The following PLEKHA4 variants were observed in gnomAD, a reference collection of about 807,000 sequenced individuals.
The protein encoded by PLEKHA4 is pleckstrin homology domain containing A4.
In PLEKHA4, 73 loss-of-function variants were observed where a neutral mutation model predicts 94.7. The observed-to-expected ratio is 0.77, with a 90% CI of 0.64 to 0.94. The LOEUF (loss-of-function observed/expected upper bound fraction) is 0.94. Ranked by LOEUF, PLEKHA4 falls within the 40% of genes least tolerant of loss-of-function variation. The probability of loss-of-function intolerance (pLI) is 0.00; values close to 1 mark genes in which losing one functional copy is unlikely to be tolerated. For missense variants in PLEKHA4, 1,049 were observed against 1,054.1 expected (o/e 1.00, Z 0.07); for synonymous variants, 449 against 437.1 (o/e 1.03, Z -0.34).
At position 48,853,797 on chromosome 19, in the gene PLEKHA4, T is replaced by C; in HGVS notation, c.1211A>G (p.Gln404Arg). The change falls in exon 12 of 20, where the codon CAA becomes CGA. Residue 404 changes from glutamine to arginine, a missense_variant. By Grantham distance (43) the Gln-to-Arg change is conservative. Coordinates refer to ENST00000263265, the MANE Select transcript of PLEKHA4 (RefSeq NM_020904.3). ...CTCCCTGGTGGCTTGGCCCAGCTGT[T>C]GCCGGGTCAACTCCAGAGCTGCTTC... ...QLEAALELTR[Q>R]QLGQATREAG... The C allele has an allele frequency of 6.2e-7, 1 of 1,612,934 alleles. No homozygotes were observed. The highest frequency in any genetic ancestry group is 8.5e-7 in the Non-Finnish European group (1 of 1,179,502).
chr19:48,860,369 G>A lies in PLEKHA4; in HGVS notation c.457C>T (p.Arg153Cys), dbSNP rs373708213. The change falls in exon 6 of 20, where the codon CGT becomes TGT. Residue 153 changes from arginine to cysteine, a missense_variant. Coordinates refer to ENST00000263265, the MANE Select transcript of PLEKHA4 (RefSeq NM_020904.3). ...GWLRALGRASRAEGDDYGQPR... is the reference protein window; with the variant it reads ...GWLRALGRASCAEGDDYGQPR... ...ACTCACTAGTCGTCCCCCTCCGCAC[G>A]GGAGGCCCGGCCCAGCGCCCGTAGC... 6.2e-7 allele frequency: 1 copy of A among 1,613,896 alleles called. No individual in the cohort carries two copies. Among genetic ancestry groups the A allele is most frequent in the South Asian group, 1.1e-5 (1 of 91,080 alleles).
rs561683787 is a variant in PLEKHA4, at chr19:48,857,231, G to A, written c.1047+191C>T. On this transcript the variant is annotated intron_variant, in intron 9 of 19. Coordinates refer to ENST00000263265, the MANE Select transcript of PLEKHA4 (RefSeq NM_020904.3). ...CTCCAGGCCTCTGGCCTCCAGAACC[G>A]CAAGATAATCCATTTCTGTTGTTTT... Among the ~76,000 whole-genome samples the A allele has an allele frequency of 5.9e-5, 9 of 152,228 alleles. No homozygotes were observed. The East Asian group carries it at 7.7e-4, about 13-fold the overall frequency.
chr19:48,864,817 C>T (rs1185299984), intron 3 of PLEKHA4, among the ~76,000 whole-genome samples: 1 of 152,120 alleles, frequency 6.6e-6, no homozygotes, highest in Non-Finnish European at 1.5e-5. Context: ...GCGATCTTCC[C>T]GTCTTGGCCT....
chr19:48,865,466 G>T, intron 3 of PLEKHA4, 37 bp downstream of exon 3: 1 of 1,525,184 alleles, frequency 6.6e-7, no homozygotes, highest in Non-Finnish European at 9.1e-7. Context: ...CCGGGGCACA[G>T]ACTTCAGTGT....
chr19:48,845,573 T>G lies in PLEKHA4; in HGVS notation c.1610A>C (p.Glu537Ala), dbSNP rs762138777. Residue 537 changes from glutamate (E) to alanine (A), a missense_variant, in exon 15 of 20, where the codon GAG becomes GCG. Physicochemically the swap from Glu to Ala is moderately radical, Grantham distance 107. Coordinates refer to ENST00000263265, the MANE Select transcript of PLEKHA4 (RefSeq NM_020904.3). The stretch of plus-strand genomic sequence containing the variant: ...TCCAGGAGGCCGCCCCCAGTCAGTC[T>G]CGGGGGACCTAGGGGAGCTCAGTTC... ...SLELSSPRSP[E>A]TDWGRPPGGD... 112 of 1,610,232 alleles carry G rather than the reference T, an allele frequency of 7.0e-5. 2 individuals are homozygous for G. The South Asian group carries it at 1.2e-3, about 17-fold the overall frequency.
chr19:48,840,098 ACT>A (rs1417045647), intron 17 of PLEKHA4, among the ~76,000 whole-genome samples: 1 of 151,100 alleles, frequency 6.6e-6, no homozygotes. Context: ...ACAAAGGGAG[ACT>A]CTGTCTCAAA....
chr19:48,853,168 T>C (rs943604970), intron 12 of PLEKHA4, among the ~76,000 whole-genome samples: 1 of 145,782 alleles, frequency 6.9e-6, no homozygotes, highest in African/African-American at 2.8e-5. Context: ...GTACCTTAAG[T>C]GTTAAATATT....
intron 9 of PLEKHA4, among the ~76,000 whole-genome samples, chr19:48,857,121 T>C (rs1049575250): frequency 1.3e-5 from 2 of 151,978 alleles, no homozygotes; most frequent in African/African-American, 4.8e-5. Flanking sequence ...CAGGAATTGC[T>C]GGCAACCACC....
At position 48,853,759 on chromosome 19, in the gene PLEKHA4, C is replaced by CGGG. The variant is rs766772259; in HGVS notation, c.1246_1248dup (p.Pro416dup). On this transcript the variant is annotated inframe_insertion, in exon 12 of 20. Coordinates refer to ENST00000263265, the MANE Select transcript of PLEKHA4 (RefSeq NM_020904.3). The stretch of plus-strand genomic sequence containing the variant: ...AGGCGCTGGCGACCCCAGGCCCTCC[C>CGGG]GGGAGCCCCAGCCTCCCTGGTGGCT... 16 of 1,612,948 alleles carry CGGG rather than the reference C, an allele frequency of 9.9e-6. No homozygotes were observed. In the East Asian group the frequency reaches 3.6e-4, roughly 36 times the overall value.
intron 13 of PLEKHA4, among the ~76,000 whole-genome samples, chr19:48,851,038 G>A (rs1470092859): frequency 6.6e-6 from 1 of 152,016 alleles, no homozygotes; most frequent in Non-Finnish European, 1.5e-5. Context: ...GTACTTGGGA[G>A]GCTGAGGGAG....
chr19:48,837,151 G>C lies in PLEKHA4; in HGVS notation c.*138C>G, dbSNP rs1399940245. On this transcript the variant is annotated 3_prime_UTR_variant, in exon 20 of 20. Coordinates refer to ENST00000263265, the MANE Select transcript of PLEKHA4 (RefSeq NM_020904.3). The surrounding 1 kb of genome is among the most constrained non-coding windows in gnomAD (Gnocchi z 4.3). Reference sequence around the variant, plus strand: ...GACAGTGTTGAGAAAACCAAACTTTGGCCATAGAAACCATTCCCCTCCCGG... The same window carrying C: ...GACAGTGTTGAGAAAACCAAACTTTCGCCATAGAAACCATTCCCCTCCCGG... 2 of 1,204,104 alleles carry C rather than the reference G, an allele frequency of 1.7e-6. No homozygotes were observed. Among genetic ancestry groups the C allele is most frequent in the African/African-American group, 3.1e-5 (2 of 64,586 alleles). The allele number at this position is 1,204,104 out of a possible 1,614,324, so 74.6% of individuals were successfully genotyped here. A position where few individuals can be genotyped will look rare whatever the true frequency, so the allele number is the denominator to read the frequency against.
At chr19:48,841,018 T>A in intron 17 of PLEKHA4, 131 bp downstream of exon 17, 1 of 850,568 alleles carries the variant, frequency 1.2e-6, no homozygotes, top group Non-Finnish European at 1.7e-6. Context: ...AAGTACAAAC[T>A]GGGGTAAATT....
intron 16 of PLEKHA4, among the ~76,000 whole-genome samples, chr19:48,844,853 C>T (rs927255129): frequency 8.6e-6 from 1 of 116,250 alleles, no homozygotes. Flanking sequence ...TTGCTCTTGT[C>T]GCACAAGCTG....
chr19:48,861,777 A>G (rs908244402), intron 3 of PLEKHA4, 85 bp from the exon 4 acceptor site: 42 of 1,205,804 alleles, frequency 3.5e-5, no homozygotes, highest in Non-Finnish European at 4.8e-5. Flanking sequence ...ACAGAGAGCC[A>G]GAGAGAGAAA....
At chr19:48,861,090 C>T (rs1442788675) in intron 5 of PLEKHA4, among the ~76,000 whole-genome samples, 2 of 152,030 alleles carry the variant, frequency 1.3e-5, no homozygotes, top group Non-Finnish European at 2.9e-5. Context: ...CGCCTGTAAT[C>T]CCAGCTACTC....
At position 48,863,886 on chromosome 19, in the gene PLEKHA4, CAG is replaced by C. The variant is rs930697667; in HGVS notation, c.192+1615_192+1616del. On this transcript the variant is annotated intron_variant, in intron 3 of 19. Coordinates refer to ENST00000263265, the MANE Select transcript of PLEKHA4 (RefSeq NM_020904.3). Reference sequence around the variant, plus strand: ...CGTGCCCAGCCCATGTACTGCTTTGCAGAGAGTTTTGAGTTTGAAGGTGCATA... The same window carrying C: ...CGTGCCCAGCCCATGTACTGCTTTGCAGAGTTTTGAGTTTGAAGGTGCATA... Among the ~76,000 whole-genome samples, 362 of 152,256 alleles carry C rather than the reference CAG, an allele frequency of 2.4e-3. 4 individuals carry two copies. Among genetic ancestry groups the C allele is most frequent in the African/African-American group, 8.4e-3 (348 of 41,550 alleles).
intron 12 of PLEKHA4, 74 bp from the exon 13 acceptor site, chr19:48,852,400 C>A: frequency 8.4e-7 from 1 of 1,188,696 alleles, no homozygotes; most frequent in South Asian, 1.2e-5. Context: ...CATCATTTGT[C>A]AGCTAAGGAG....
rs540885313 is a variant in PLEKHA4 at position 48,857,647 on chromosome 19, T to C, written c.973-151A>G. 1,039 of 605,534 alleles carry C rather than the reference T, an allele frequency of 1.7e-3. 13 individuals are homozygous for C. In the African/African-American group the frequency reaches 0.019, roughly 11 times the overall value. 37.5% of individuals were successfully genotyped at this position (605,534 alleles called of 1,614,324 possible). On this transcript the variant is annotated intron_variant, in intron 8 of 19. Transcript: ENST00000263265. ...CCTGTGCTCTCTGAAACATGTGCTG[T>C]GTCCACTCAGGGTTAAATGGATTAA...
intron 7 of PLEKHA4, 111 bp downstream of exon 7, chr19:48,859,358 C>G (rs1445088868): frequency 1.7e-6 from 2 of 1,177,762 alleles, no homozygotes; most frequent in African/African-American, 3.1e-5. Context: ...CCCACGGGAG[C>G]CCCAGCAAGT....
Sources: gnomAD v4.1 joint callset for allele counts (sites outside exome capture counted in the v4.1 genomes callset) on GRCh38, gnomAD v4.1.1 for gene constraint, Gnocchi (gnomAD v3.1) non-coding constraint, MANE v1.5 for transcripts, NCBI Gene and HGNC (gene_info 2026-07-23, HGNC 2026-07-21) for gene names.